The following CLTCL1 variants were observed in gnomAD, a reference collection of about 807,000 sequenced individuals.
The protein encoded by CLTCL1 is clathrin heavy chain 2.
Under a neutral mutation model 190.0 loss-of-function variants are expected in CLTCL1, and 159 were observed. The ratio of observed to expected loss-of-function variants is 0.84; its 90% CI spans 0.74 to 0.95. The LOEUF is 0.95. CLTCL1 is among the 40% of genes least tolerant of loss of function. The pLI, the probability that CLTCL1 is intolerant of heterozygous loss-of-function variation, is 0.00. For synonymous variants in CLTCL1, 752 were observed against 769.6 expected (o/e 0.98, Z 0.38); for missense variants, 1,878 against 2,033.4 (o/e 0.92, Z 1.47).
At chr22:19,226,479 G>A in intron 11 of CLTCL1, 96 bp from the exon 12 acceptor site, 3 of 1,419,788 alleles carry the variant, frequency 2.1e-6, no homozygotes, top group Non-Finnish European at 1.9e-6. Flanking sequence ...GTATAGCCTG[G>A]CAACCAGAAC....
At chr22:19,217,066 C>A (rs2085407811) in intron 18 of CLTCL1, among the ~76,000 whole-genome samples, 1 of 152,142 alleles carries the variant, frequency 6.6e-6, no homozygotes, top group African/African-American at 2.4e-5. Context: ...CTTAAAGGAA[C>A]CTAGGGTCAA....
At chr22:19,280,874 C>T (rs1396319592) in intron 1 of CLTCL1, among the ~76,000 whole-genome samples, 1 of 150,220 alleles carries the variant, frequency 6.7e-6, no homozygotes, top group East Asian at 2.0e-4. Flanking sequence ...TTGTATGATT[C>T]CATTTATATC....
intron 26 of CLTCL1, among the ~76,000 whole-genome samples, chr22:19,193,947 A>G (rs782296435): frequency 1.2e-4 from 19 of 152,246 alleles, no homozygotes; most frequent in Non-Finnish European, 1.8e-4. Flanking sequence ...CTCCCACAAC[A>G]TGGAAAAAGA....
At chr22:19,213,437 A>G (rs1555947936) in intron 19 of CLTCL1, among the ~76,000 whole-genome samples, 3 of 152,252 alleles carry the variant, frequency 2.0e-5, no homozygotes, top group Non-Finnish European at 4.4e-5. Context: ...AACAGTACAT[A>G]TACCATGTGA....
At chr22:19,184,819 C>G in intron 29 of CLTCL1, 1 of 334,922 alleles carries the variant, frequency 3.0e-6, no homozygotes, top group Non-Finnish European at 5.9e-6. Context: ...GCCTGGAGCC[C>G]AGCTCGAGTC....
At chr22:19,223,456 C>T (rs903247019) in intron 14 of CLTCL1, among the ~76,000 whole-genome samples, 5 of 150,322 alleles carry the variant, frequency 3.3e-5, no homozygotes, top group East Asian at 1.9e-4. Context: ...GTGCTGAACA[C>T]GGCAAAGCAG....
intron 29 of CLTCL1, 146 bp from the exon 30 acceptor site, chr22:19,183,757 A>G: frequency 1.3e-6 from 1 of 758,338 alleles, no homozygotes; most frequent in Non-Finnish European, 2.2e-6. Context: ...TGGCTGGGCC[A>G]TTCCCTATGC....
intron 1 of CLTCL1, among the ~76,000 whole-genome samples, chr22:19,279,742 G>A (rs1555985424): frequency 6.6e-6 from 1 of 152,206 alleles, no homozygotes; most frequent in East Asian, 1.9e-4. Flanking sequence ...AGAATAGAGA[G>A]CTTTGCGCTT....
chr22:19,272,393 T>G (rs1264369695), intron 2 of CLTCL1, among the ~76,000 whole-genome samples: 1 of 152,162 alleles, frequency 6.6e-6, no homozygotes, highest in South Asian at 2.1e-4. Context: ...TCTGAGCACT[T>G]GGGAGTTCAC....
intron 3 of CLTCL1, among the ~76,000 whole-genome samples, chr22:19,252,864 A>T (rs1555970676): frequency 6.6e-6 from 1 of 152,082 alleles, no homozygotes; most frequent in East Asian, 1.9e-4. Context: ...AATACAAAAA[A>T]TTAGCCAGGC....
At chr22:19,264,534 G>A (rs2087055667) in intron 2 of CLTCL1, among the ~76,000 whole-genome samples, 1 of 152,068 alleles carries the variant, frequency 6.6e-6, no homozygotes, top group Admixed American at 6.6e-5. Flanking sequence ...TTTTTTTGAG[G>A]TACTACTATC....
intron 27 of CLTCL1, 101 bp from the exon 28 acceptor site, chr22:19,188,192 TC>T: frequency 9.6e-7 from 1 of 1,040,174 alleles, no homozygotes; most frequent in Non-Finnish European, 1.5e-6. Flanking sequence ...ACTTGAATGG[TC>T]CAGCTCTGGA....
chr22:19,244,606 C>G (rs1419469896), intron 3 of CLTCL1, among the ~76,000 whole-genome samples: 1 of 152,142 alleles, frequency 6.6e-6, no homozygotes, highest in Admixed American at 6.5e-5. Context: ...CCTAAAGGTA[C>G]AGATACCTAA....
intron 29 of CLTCL1, chr22:19,183,999 G>T: frequency 3.1e-6 from 1 of 321,406 alleles, no homozygotes; most frequent in Non-Finnish European, 6.0e-6. Flanking sequence ...CAGTTAGGAG[G>T]GGTACGGCTA....
At chr22:19,185,752 C>T (rs1416881658) in intron 29 of CLTCL1, among the ~76,000 whole-genome samples, 1 of 152,236 alleles carries the variant, frequency 6.6e-6, no homozygotes, top group East Asian at 1.9e-4. Flanking sequence ...GCTCACTCAT[C>T]ACTGCCTGAG....
Position 19,209,079 on chromosome 22 carries a change from TGC to T in CLTCL1, c.3283_3284del (p.Ala1095IlefsTer2). 1 of 1,608,392 alleles carries T rather than the reference TGC, an allele frequency of 6.2e-7. No homozygotes were observed. The highest frequency in any genetic ancestry group is 1.1e-5 in the South Asian group (1 of 89,892). On this transcript the variant is annotated frameshift_variant, in exon 21 of 33. Coordinates refer to ENST00000427926, the MANE Select transcript of CLTCL1 (RefSeq NM_007098.4). LOFTEE classifies it high-confidence loss of function. ...CATTGCATCTCTCCGCAAACTCATA[TGC>T]CCGGTCCAGGTTTCCAATGTGCTCG... is the stretch of plus-strand genomic sequence containing the variant. ...LIEHIGNLDR[A>X]YEFAERCNEP...
chr22:19,207,483 A>G (rs2085086587), intron 22 of CLTCL1: 1 of 400,732 alleles, frequency 2.5e-6, no homozygotes, highest in Non-Finnish European at 4.4e-6. Flanking sequence ...CATGGGTCTC[A>G]ATTTCCATAC....
intron 1 of CLTCL1, among the ~76,000 whole-genome samples, chr22:19,280,601 T>C (rs535176404): frequency 6.6e-6 from 1 of 151,256 alleles, no homozygotes; most frequent in Admixed American, 6.6e-5. Flanking sequence ...GGTGGGTCGC[T>C]TGAGGTCAGG....
At chr22:19,187,868 C>T in intron 28 of CLTCL1, 113 bp downstream of exon 28, 2 of 1,329,524 alleles carry the variant, frequency 1.5e-6, no homozygotes. Flanking sequence ...CACTGGTGTC[C>T]TGTGGGGCCT....
Sources: allele counts gnomAD v4.1 joint callset (sites outside exome capture counted in the v4.1 genomes callset), GRCh38; gene constraint gnomAD v4.1.1; transcripts MANE v1.5; gene names NCBI Gene and HGNC (gene_info 2026-07-23, HGNC 2026-07-21).